Variants in CDH13 observed in about 807,000 individuals in gnomAD.
CDH13 encodes cadherin 13, also known as cadherin-13.
In CDH13, 24 loss-of-function variants were observed where a neutral mutation model predicts 63.8. The observed-to-expected ratio is 0.38, with a 90% CI of 0.27 to 0.53. The LOEUF (loss-of-function observed/expected upper bound fraction) is 0.53. CDH13 is among the 20% of genes least tolerant of loss of function. CDH13 has a pLI of 0.85. For synonymous variants in CDH13, 503 were observed against 355.3 expected, an observed-to-expected ratio of 1.42 and a Z score of -4.67; for missense variants, 1,049 against 903.1, an observed-to-expected ratio of 1.16 and a Z score of -2.07.
intron 7 of CDH13, among the ~76,000 whole-genome samples, chr16:83,551,974 G>A (rs183568238): frequency 5.6e-4 from 85 of 152,272 alleles, no homozygotes; most frequent in African/African-American, 1.8e-3. Context: ...GTTGGTTAGC[G>A]GGTTAATAAG....
At chr16:82,858,264 A>T in intron 1 of CDH13, 98 bp from the exon 2 acceptor site, 1 of 709,420 alleles carries the variant, frequency 1.4e-6, no homozygotes, top group South Asian at 1.9e-5. Context: ...AATGAAATCA[A>T]AACCTCAGCT....
chr16:83,295,082 C>T (rs377242469), intron 5 of CDH13, among the ~76,000 whole-genome samples: 1 of 152,092 alleles, frequency 6.6e-6, no homozygotes, highest in Admixed American at 6.6e-5. Context: ...ACTCATGCAT[C>T]TATGGCCAAC....
chr16:82,699,718 C>G (rs1389815240), intron 1 of CDH13, among the ~76,000 whole-genome samples: 1 of 152,140 alleles, frequency 6.6e-6, no homozygotes, highest in Non-Finnish European at 1.5e-5. Context: ...ACTGTTTTAC[C>G]TTCTCCCACC....
chr16:83,527,973 G>A (rs940122036), intron 7 of CDH13, among the ~76,000 whole-genome samples: 3 of 152,124 alleles, frequency 2.0e-5, no homozygotes, highest in Non-Finnish European at 2.9e-5. Context: ...GAATGAGTTC[G>A]GTGACTTTCT....
intron 5 of CDH13, among the ~76,000 whole-genome samples, 193 bp from the exon 6 acceptor site, chr16:83,344,669 C>T (rs1467455511): frequency 6.6e-6 from 1 of 152,216 alleles, no homozygotes; most frequent in Non-Finnish European, 1.5e-5. Flanking sequence ...CTAAAGTGAA[C>T]TGATCTTTGC....
chr16:82,705,366 T>A (rs1218811035), intron 1 of CDH13: 1 of 324,164 alleles, frequency 3.1e-6, no homozygotes, highest in South Asian at 2.6e-5. Flanking sequence ...TAGAATTCAA[T>A]ACGCTAATAC....
At chr16:82,804,693 C>G (rs1315054297) in intron 1 of CDH13, among the ~76,000 whole-genome samples, 2 of 152,134 alleles carry the variant, frequency 1.3e-5, no homozygotes, top group Non-Finnish European at 2.9e-5. Context: ...TCTCCTTACC[C>G]TTCTTCCCTT....
intron 2 of CDH13, among the ~76,000 whole-genome samples, chr16:82,863,848 G>A (rs1348809861): frequency 1.3e-5 from 2 of 152,090 alleles, no homozygotes; most frequent in Non-Finnish European, 2.9e-5. Context: ...GAACTTCATG[G>A]ACCAGTAATT....
At position 83,185,867 on chromosome 16, in the gene CDH13, C is replaced by T. The variant is rs547604144; in HGVS notation, c.484-31478C>T. Among the ~76,000 whole-genome samples the T allele has an allele frequency of 3.9e-5, 6 of 152,302 alleles. No individual in the cohort carries two copies. In the South Asian group the frequency reaches 1.0e-3, roughly 26 times the overall value. On this transcript the variant is annotated intron_variant, in intron 4 of 13. Coordinates refer to ENST00000567109, the MANE Select transcript of CDH13 (RefSeq NM_001257.5). ...ATTTGAAACATTTTTTACTGATTGC[C>T]TGCCCATCTCCTGTTCACATACTCC...
intron 1 of CDH13, among the ~76,000 whole-genome samples, chr16:82,675,556 G>T (rs16958140): frequency 2.6e-5 from 4 of 152,282 alleles, no homozygotes; most frequent in South Asian, 2.1e-4. Flanking sequence ...ATGAAGTCAC[G>T]TTTGCCTCAT....
intron 7 of CDH13, among the ~76,000 whole-genome samples, chr16:83,586,270 C>T (rs540721783): frequency 2.2e-4 from 33 of 152,244 alleles, no homozygotes; most frequent in African/African-American, 7.7e-4. Flanking sequence ...GTTTTTCTTC[C>T]CACCGGCACA....
chr16:83,765,827 G>T (rs866377486), intron 11 of CDH13, among the ~76,000 whole-genome samples: 3 of 151,728 alleles, frequency 2.0e-5, no homozygotes, highest in African/African-American at 7.3e-5. Flanking sequence ...ACACGTGCAG[G>T]TTTGTTACCT....
chr16:82,688,861 A>G (rs1388299558), intron 1 of CDH13: 2 of 152,220 alleles, frequency 1.3e-5, no homozygotes, highest in African/African-American at 2.4e-5. Context: ...GAACAGGGTA[A>G]CCATGTGACC....
intron 1 of CDH13, among the ~76,000 whole-genome samples, chr16:82,654,542 C>G (rs1205495704): frequency 1.3e-5 from 2 of 152,160 alleles, no homozygotes; most frequent in Non-Finnish European, 2.9e-5. Context: ...TGGCTTCCTT[C>G]TGTCTTTTTG....
intron 2 of CDH13, among the ~76,000 whole-genome samples, chr16:82,981,071 C>A (rs1380467451): frequency 6.6e-6 from 1 of 152,150 alleles, no homozygotes; most frequent in South Asian, 2.1e-4. Flanking sequence ...TGCATACATA[C>A]AAATACCCAT....
At chr16:83,336,772 T>G (rs145361783) in intron 5 of CDH13, among the ~76,000 whole-genome samples, 2 of 152,352 alleles carry the variant, frequency 1.3e-5, no homozygotes, top group African/African-American at 4.8e-5. Flanking sequence ...CACAAGTCCA[T>G]GGACTGTGTG....
chr16:83,283,223 A>T (rs1217486302), intron 5 of CDH13, among the ~76,000 whole-genome samples: 1 of 152,164 alleles, frequency 6.6e-6, no homozygotes, highest in Non-Finnish European at 1.5e-5. Context: ...TTACTGGATG[A>T]TACCAATGGC....
At chr16:83,707,654 A>C (rs999445911) in intron 10 of CDH13, among the ~76,000 whole-genome samples, 1 of 151,992 alleles carries the variant, frequency 6.6e-6, no homozygotes, top group Non-Finnish European at 1.5e-5. Context: ...ATCAGCTCTT[A>C]GATTCCCCGT....
chr16:83,513,848 C>A (rs2074634115), intron 7 of CDH13, among the ~76,000 whole-genome samples: 1 of 152,152 alleles, frequency 6.6e-6, no homozygotes, highest in African/African-American at 2.4e-5. Flanking sequence ...GGCCGCAGAT[C>A]ACCTTTATTG....
Sources: allele counts gnomAD v4.1 joint callset (sites outside exome capture counted in the v4.1 genomes callset), GRCh38; gene constraint gnomAD v4.1.1; transcripts MANE v1.5; gene names NCBI Gene and HGNC (gene_info 2026-07-23, HGNC 2026-07-21).